Variants in IRAK2 observed in about 807,000 individuals in gnomAD.
The protein encoded by IRAK2 is interleukin 1 receptor associated kinase 2.
A neutral mutation model predicts 72.0 loss-of-function variants in IRAK2; 57 were observed. The ratio of observed to expected loss-of-function variants is 0.79; its 90% CI spans 0.64 to 0.99. IRAK2 has a LOEUF of 0.99. Among genes scored for constraint, IRAK2 ranks in the 50% least tolerant of loss-of-function variants. The pLI, the probability that IRAK2 is intolerant of heterozygous loss-of-function variation, is 0.00. For missense variants in IRAK2, 790 were observed against 794.4 expected (o/e 0.99, Z 0.07); for synonymous variants, 293 against 312.7 (o/e 0.94, Z 0.67).
intron 2 of IRAK2, among the ~76,000 whole-genome samples, chr3:10,180,745 C>A (rs1332789163): frequency 2.0e-5 from 3 of 152,084 alleles, no homozygotes; most frequent in African/African-American, 7.2e-5. Flanking sequence ...CTAGAGAGTA[C>A]CACCCTCTGA....
chr3:10,177,348 A>C (rs1389232653), intron 1 of IRAK2, among the ~76,000 whole-genome samples: 1 of 152,200 alleles, frequency 6.6e-6, no homozygotes, highest in African/African-American at 2.4e-5. Flanking sequence ...TGCCACCTGA[A>C]GATGAGCGCC....
intron 2 of IRAK2, among the ~76,000 whole-genome samples, chr3:10,191,189 A>G (rs1273221561): frequency 6.6e-6 from 1 of 151,730 alleles, no homozygotes; most frequent in African/African-American, 2.4e-5. Context: ...CAGCTACTCA[A>G]GAGGCTGAGG....
rs1464883514 is a variant in IRAK2 at position 10,242,239 on chromosome 3, A to G, written c.*11A>G. On this transcript the variant is annotated 3_prime_UTR_variant, in exon 13 of 13. Coordinates refer to ENST00000256458, the MANE Select transcript of IRAK2 (RefSeq NM_001570.4). ...CTCTTTGGCCCCTGATGACCGGAAC[A>G]CAGCTGAGGACCCTTGTCCTCAGTT... 6.1e-6 allele frequency: 9 copies of G among 1,475,530 alleles called. No individual in the cohort carries two copies. Among genetic ancestry groups the G allele is most frequent in the Non-Finnish European group, 8.5e-6 (9 of 1,059,458 alleles). The allele number at this position is 1,475,530 out of a possible 1,614,324, so 91.4% of individuals were successfully genotyped here.
intron 1 of IRAK2, among the ~76,000 whole-genome samples, chr3:10,175,906 A>G (rs1363333925): frequency 6.6e-6 from 1 of 150,656 alleles, no homozygotes; most frequent in Non-Finnish European, 1.5e-5. Flanking sequence ...AAAAAAAAAA[A>G]AAAAAAAGAA....
chr3:10,186,348 C>G lies in IRAK2; in HGVS notation c.277+8328C>G, dbSNP rs560395979. ...CACAGTTCTGTCAAAAAACTAGAAGCTTCTGCTCTCTTGGCTTCTAATCAG... is the reference window on the plus strand; with the variant it reads ...CACAGTTCTGTCAAAAAACTAGAAGGTTCTGCTCTCTTGGCTTCTAATCAG... On this transcript the variant is annotated intron_variant, in intron 2 of 12. Coordinates refer to ENST00000256458, the MANE Select transcript of IRAK2 (RefSeq NM_001570.4). 4.0e-5 allele frequency among the ~76,000 whole-genome samples: 6 copies of G among 151,788 alleles called. No homozygotes were observed. The South Asian group carries it at 1.2e-3, about 31-fold the overall frequency.
intron 2 of IRAK2, among the ~76,000 whole-genome samples, chr3:10,180,999 G>A (rs1337848022): frequency 6.6e-6 from 1 of 152,134 alleles, no homozygotes; most frequent in Admixed American, 6.5e-5. Context: ...CAGGACGGTG[G>A]CTGGGCCTGC....
At chr3:10,187,034 C>T (rs1009271940) in intron 2 of IRAK2, among the ~76,000 whole-genome samples, 2 of 149,052 alleles carry the variant, frequency 1.3e-5, no homozygotes, top group Admixed American at 6.7e-5. Flanking sequence ...ATCCCTAATT[C>T]GAAAATCCAG....
intron 3 of IRAK2, among the ~76,000 whole-genome samples, chr3:10,203,075 C>A (rs1675179614): frequency 6.6e-6 from 1 of 152,122 alleles, no homozygotes; most frequent in South Asian, 2.1e-4. Context: ...CGGCTCATTG[C>A]AACCTTTGCC....
intron 3 of IRAK2, among the ~76,000 whole-genome samples, chr3:10,206,028 T>C (rs189621848): frequency 6.0e-4 from 92 of 152,198 alleles, no homozygotes; most frequent in Admixed American, 4.6e-3. Flanking sequence ...GAGAGGCAGA[T>C]ACCAAGACAG....
At chr3:10,235,086 A>G (rs1381404905) in intron 11 of IRAK2, among the ~76,000 whole-genome samples, 1 of 152,126 alleles carries the variant, frequency 6.6e-6, no homozygotes, top group Non-Finnish European at 1.5e-5. Flanking sequence ...CGCTTGGCCA[A>G]TCAGGCATGG....
At chr3:10,203,398 T>C (rs1697393013) in intron 3 of IRAK2, among the ~76,000 whole-genome samples, 1 of 152,228 alleles carries the variant, frequency 6.6e-6, no homozygotes, top group Admixed American at 6.5e-5. Flanking sequence ...TGTCTATCTT[T>C]GCCTAAATTG....
intron 10 of IRAK2, among the ~76,000 whole-genome samples, chr3:10,228,936 AT>A (rs35822142): frequency 2.2e-3 from 321 of 144,354 alleles, no homozygotes; most frequent in African/African-American, 6.2e-3. Flanking sequence ...TTGTAGTGGC[AT>A]TTTTTTTTTT....
intron 2 of IRAK2, among the ~76,000 whole-genome samples, chr3:10,192,800 TC>T (rs1697198385): frequency 6.6e-6 from 1 of 152,310 alleles, no homozygotes; most frequent in East Asian, 1.9e-4. Flanking sequence ...CTGCCTGTAA[TC>T]CCAGCTACTC....
chr3:10,226,720 C>T (rs1049880108), intron 10 of IRAK2, among the ~76,000 whole-genome samples: 12 of 151,872 alleles, frequency 7.9e-5, no homozygotes, highest in African/African-American at 2.9e-4. Flanking sequence ...GAGTTCAAGA[C>T]CAGCCTGGCC....
chr3:10,232,290 C>T (rs1476542861), intron 10 of IRAK2, among the ~76,000 whole-genome samples: 1 of 152,172 alleles, frequency 6.6e-6, no homozygotes, highest in Admixed American at 6.6e-5. Flanking sequence ...GGTCTCCTTC[C>T]CTTGTTTCTC....
At chr3:10,203,669 A>G (rs1575971806) in intron 3 of IRAK2, among the ~76,000 whole-genome samples, 1 of 152,156 alleles carries the variant, frequency 6.6e-6, no homozygotes, top group East Asian at 1.9e-4. Flanking sequence ...GTCTCGCTCT[A>G]TCACTAGGCT....
Position 10,238,632 on chromosome 3 carries a change from C to G in IRAK2, c.1474-116C>G, listed in dbSNP as rs1698003099. The G allele has an allele frequency of 3.0e-6, 3 of 990,932 alleles. No homozygotes were observed. In the South Asian group the frequency reaches 4.7e-5, roughly 16 times the overall value. The allele number at this position is 990,932 out of a possible 1,614,324, so 61.4% of individuals were successfully genotyped here. On this transcript the variant is annotated intron_variant, in intron 11 of 12. Transcript: ENST00000256458. ...GGTGTGGTTTTTTCAGACAAAACAA[C>G]CAGCATTAGGTTCTTCAGTCTGCTC...
In IRAK2 at chr3:10,213,360, C is replaced by T; in HGVS notation, c.682C>T (p.His228Tyr). The T allele has an allele frequency of 6.2e-7, 1 of 1,614,074 alleles. No homozygotes were observed. Among genetic ancestry groups the T allele is most frequent in the Non-Finnish European group, 8.5e-7 (1 of 1,180,026 alleles). ...GACCTTTGCTGACGTCTACAGAGGG[C>T]ACAGGCACGGGAAGCCATTCGTCTT... Reference protein sequence around the residue: ...QGTFADVYRGHRHGKPFVFKK... With the variant: ...QGTFADVYRGYRHGKPFVFKK... Residue 228 changes from histidine to tyrosine, a missense_variant, in exon 5 of 13, where the codon CAC (histidine) becomes TAC (tyrosine). By Grantham distance (83) the His-to-Tyr change is moderately conservative. Transcript: ENST00000256458.
At position 10,239,038 on chromosome 3, in the gene IRAK2, T is replaced by C. The variant is rs1211886047; in HGVS notation, c.1764T>C (p.Asp588=). 2 of 1,586,798 alleles carry C rather than the reference T, an allele frequency of 1.3e-6. No individual in the cohort carries two copies. Among genetic ancestry groups the C allele is most frequent in the African/African-American group, 2.7e-5 (2 of 74,078 alleles). The change falls in exon 12 of 13, where the codon GAT becomes GAC. Residue 588 remains aspartate, a splice_region_variant and synonymous_variant. Transcript: ENST00000256458. ...EACVGLEPPQ[D]VTETSWQIEI... ...GTGTTGGCCTGGAGCCTCCCCAGGA[T>C]GGTAAGCCGGAAGTCAGAGTGCATT... is the stretch of plus-strand genomic sequence containing the variant.
Sources: gnomAD v4.1 joint callset for allele counts (sites outside exome capture counted in the v4.1 genomes callset) on GRCh38, gnomAD v4.1.1 for gene constraint, MANE v1.5 for transcripts, NCBI Gene and HGNC (gene_info 2026-07-23, HGNC 2026-07-21) for gene names.